Variants in PDE8B observed in about 807,000 individuals in gnomAD.
PDE8B encodes the protein phosphodiesterase 8B.
A neutral mutation model predicts 101.3 loss-of-function variants in PDE8B; 26 were observed. The observed-to-expected ratio is 0.26, with a 90% CI of 0.19 to 0.36. The LOEUF (loss-of-function observed/expected upper bound fraction) is 0.36, where lower values mean the gene tolerates loss of function less well. Among genes scored for constraint, PDE8B ranks in the 10% least tolerant of loss-of-function variants. The pLI is 1.00. For missense variants in PDE8B, 810 were observed against 1,163.1 expected (o/e 0.70, Z 4.42); for synonymous variants, 424 against 429.3 (o/e 0.99, Z 0.15).
intron 18 of PDE8B, among the ~76,000 whole-genome samples, 185 bp downstream of exon 18, chr5:77,418,631 T>C (rs1796031769): frequency 6.6e-6 from 1 of 152,232 alleles, no homozygotes; most frequent in Admixed American, 6.5e-5. Flanking sequence ...TCTCATTTGG[T>C]CTTCAGTGAG....
intron 20 of PDE8B, 112 bp from the exon 21 acceptor site, chr5:77,425,655 T>A (rs559561574): frequency 1.8e-6 from 2 of 1,097,222 alleles, no homozygotes; most frequent in East Asian, 2.4e-5. Flanking sequence ...TATTTCTTCA[T>A]TGAGAAAACT....
At chr5:77,393,463 C>T (rs1561642327) in intron 10 of PDE8B, among the ~76,000 whole-genome samples, 1 of 151,762 alleles carries the variant, frequency 6.6e-6, no homozygotes, top group Non-Finnish European at 1.5e-5. Flanking sequence ...TTTCTCTCTC[C>T]AGTTTCCCCA....
chr5:77,384,859 G>A (rs1327905677), intron 10 of PDE8B, among the ~76,000 whole-genome samples: 1 of 152,186 alleles, frequency 6.6e-6, no homozygotes, highest in East Asian at 1.9e-4. Context: ...ATGATGTGCT[G>A]CTGGATTTGG....
At chr5:77,213,972 A>T (rs1749094031) in intron 1 of PDE8B, 1 of 152,478 alleles carries the variant, frequency 6.6e-6, no homozygotes, top group Middle Eastern at 3.2e-3. Flanking sequence ...CAATGATATC[A>T]CATGGGTTTC....
the PDE8B span, chr5:77,165,506 T>C: frequency 6.6e-6 from 1 of 152,216 alleles, no homozygotes; most frequent in Admixed American, 6.5e-5. Context: ...GCATGGTAAG[T>C]GCCCTAAAAT....
intron 1 of PDE8B, among the ~76,000 whole-genome samples, chr5:77,224,463 A>G: frequency 6.6e-6 from 1 of 152,170 alleles, no homozygotes; most frequent in South Asian, 2.1e-4. Context: ...TTTTATTTAT[A>G]CCTCCTACTT....
the PDE8B span, chr5:77,113,584 A>T: frequency 1.3e-5 from 2 of 152,258 alleles, no homozygotes; most frequent in Non-Finnish European, 2.9e-5. Context: ...AGGCAATACC[A>T]TTTAGGACGT....
the PDE8B span, among the ~76,000 whole-genome samples, chr5:77,092,893 C>CA: frequency 6.6e-6 from 1 of 152,164 alleles, no homozygotes; most frequent in Non-Finnish European, 1.5e-5. Flanking sequence ...CAATACACTC[C>CA]AGCCTGGGTG....
chr5:77,314,204 G>A (rs1414507072), intron 2 of PDE8B, among the ~76,000 whole-genome samples: 1 of 151,950 alleles, frequency 6.6e-6, no homozygotes, highest in Non-Finnish European at 1.5e-5. Context: ...ATAAATGTGA[G>A]GATTTACTTT....
At chr5:77,340,240 C>T (rs576837777) in intron 6 of PDE8B, among the ~76,000 whole-genome samples, 15 of 152,182 alleles carry the variant, frequency 9.9e-5, no homozygotes, top group Admixed American at 5.9e-4. Context: ...CAGTAGCAAT[C>T]CTCAATTTTA....
At chr5:77,286,420 T>G (rs1019401047) in intron 1 of PDE8B, among the ~76,000 whole-genome samples, 2 of 152,200 alleles carry the variant, frequency 1.3e-5, no homozygotes, top group African/African-American at 4.8e-5. Flanking sequence ...TGATGGTAGG[T>G]TCTCCATCAC....
At chr5:77,307,773 C>T (rs1771589275) in intron 1 of PDE8B, among the ~76,000 whole-genome samples, 1 of 152,174 alleles carries the variant, frequency 6.6e-6, no homozygotes, top group Non-Finnish European at 1.5e-5. Flanking sequence ...ACTGTGGAAA[C>T]ACATGTGGCT....
chr5:77,320,106 T>C (rs1420634775), intron 2 of PDE8B, among the ~76,000 whole-genome samples: 2 of 152,242 alleles, frequency 1.3e-5, no homozygotes, highest in African/African-American at 4.8e-5. Context: ...TTTTTACCAT[T>C]ATTTATTAAG....
intron 19 of PDE8B, among the ~76,000 whole-genome samples, chr5:77,421,143 C>T (rs1293520707): frequency 6.6e-6 from 1 of 152,166 alleles, no homozygotes; most frequent in Admixed American, 6.5e-5. Flanking sequence ...GTGGACCAGT[C>T]TTTCTAAACA....
intron 1 of PDE8B, chr5:77,291,281 T>C: frequency 6.2e-7 from 1 of 1,613,132 alleles, no homozygotes; most frequent in South Asian, 1.1e-5. Flanking sequence ...GGGACCCTAA[T>C]GTTCTCTATG....
Position 77,426,504 on chromosome 5 carries a change from A to G in PDE8B, c.2608A>G (p.Thr870Ala). The change falls in exon 22 of 22, where the codon ACA (threonine) becomes GCA (alanine). Residue 870 changes from threonine (T) to alanine (A), a missense_variant. Around this residue, in one of 4 missense-constraint regions of PDE8B, gnomAD observed 325 missense variants for 560.9 expected, o/e 0.58. Coordinates refer to ENST00000264917, the MANE Select transcript of PDE8B (RefSeq NM_003719.5). ...GGCTGACAACTACAAACACTGGAAG[A>G]CACTAGATGACCTAAAGTGCAAAAG... ...HLADNYKHWK[T>A]LDDLKCKSLR... is the part of the protein sequence containing the mutation. 6.2e-7 allele frequency: 1 copy of G among 1,613,866 alleles called. No individual in the cohort carries two copies. Among genetic ancestry groups the G allele is most frequent in the Non-Finnish European group, 8.5e-7 (1 of 1,179,760 alleles).
chr5:77,347,783 G>A (rs900987343), intron 7 of PDE8B, among the ~76,000 whole-genome samples: 3 of 152,158 alleles, frequency 2.0e-5, no homozygotes, highest in African/African-American at 7.2e-5. Context: ...GTTGGAGAGG[G>A]AAAGAGACAG....
At chr5:77,340,934 A>G (rs1779109110) in intron 6 of PDE8B, among the ~76,000 whole-genome samples, 1 of 152,120 alleles carries the variant, frequency 6.6e-6, no homozygotes, top group Non-Finnish European at 1.5e-5. Context: ...AAGTGGTGAT[A>G]TTACCTATAC....
intron 20 of PDE8B, among the ~76,000 whole-genome samples, chr5:77,422,273 G>A (rs535972808): frequency 1.3e-5 from 2 of 152,260 alleles, no homozygotes; most frequent in African/African-American, 2.4e-5. Flanking sequence ...CACAAAAACC[G>A]AGAAATCTTC....
Sources: gnomAD v4.1 joint callset for allele counts (sites outside exome capture counted in the v4.1 genomes callset) on GRCh38, gnomAD v4.1.1 for gene constraint, gnomAD v4.1.1 regional missense constraint, MANE v1.5 for transcripts, NCBI Gene and HGNC (gene_info 2026-07-23, HGNC 2026-07-21) for gene names.